TECPR2: variants seen among roughly 807,000 people sequenced by gnomAD.
The protein encoded by TECPR2 is tectonin beta-propeller repeat-containing protein 2.
TECPR2 carries 65 observed loss-of-function variants against 138.1 expected under a neutral mutation model. That is an observed-to-expected ratio of 0.47 (90% confidence interval 0.39 to 0.58). The LOEUF (loss-of-function observed/expected upper bound fraction) is 0.58, where lower values mean the gene tolerates loss of function less well. Ranked by LOEUF, TECPR2 falls within the 20% of genes least tolerant of loss-of-function variation. The probability of loss-of-function intolerance (pLI) is 0.00; values close to 1 mark genes in which losing one functional copy is unlikely to be tolerated. For missense variants in TECPR2, 1,553 were observed against 1,824.5 expected (o/e 0.85, Z 2.71); for synonymous variants, 746 against 749.8 (o/e 0.99, Z 0.08).
intron 12 of TECPR2, among the ~76,000 whole-genome samples, chr14:102,444,405 G>A (rs1306402394): frequency 6.6e-6 from 1 of 151,878 alleles, no homozygotes; most frequent in East Asian, 1.9e-4. Flanking sequence ...TCATCATGTT[G>A]CCCAGACTCA....
chr14:102,410,485 A>T (rs568920407), intron 4 of TECPR2, among the ~76,000 whole-genome samples: 8 of 68,742 alleles, frequency 1.2e-4, no homozygotes, highest in African/African-American at 3.3e-4. Context: ...AAAAAAATAA[A>T]AAATAAAAAA....
intron 17 of TECPR2, among the ~76,000 whole-genome samples, chr14:102,495,689 C>T (rs1266571407): frequency 6.6e-6 from 1 of 152,238 alleles, no homozygotes; most frequent in African/African-American, 2.4e-5. Flanking sequence ...CCGACAAGAG[C>T]GGCCACCGCC....
chr14:102,412,090 C>T (rs1888888417), intron 4 of TECPR2, among the ~76,000 whole-genome samples: 1 of 146,864 alleles, frequency 6.8e-6, no homozygotes, highest in Non-Finnish European at 1.5e-5. Context: ...AAATACTATT[C>T]ACAGAGTGAT....
At chr14:102,450,300 G>A (rs945521962) in intron 14 of TECPR2, among the ~76,000 whole-genome samples, 4 of 152,136 alleles carry the variant, frequency 2.6e-5, no homozygotes, top group South Asian at 2.1e-4. Context: ...GTTTGTTTCT[G>A]TGAGTGAACC....
intron 2 of TECPR2, among the ~76,000 whole-genome samples, chr14:102,383,922 C>CTT (rs751851686): frequency 7.2e-5 from 10 of 137,958 alleles, no homozygotes; most frequent in Admixed American, 1.5e-4. Context: ...AGTAGTTGTT[C>CTT]TTTTTTTTTT....
intron 2 of TECPR2, among the ~76,000 whole-genome samples, chr14:102,401,974 C>T (rs565130641): frequency 7.2e-5 from 11 of 152,080 alleles, no homozygotes; most frequent in African/African-American, 2.7e-4. Context: ...GACAGTTCTA[C>T]AATAAAAGTT....
intron 2 of TECPR2, among the ~76,000 whole-genome samples, chr14:102,401,938 G>T (rs994970430): frequency 8.6e-5 from 13 of 151,222 alleles, no homozygotes; most frequent in African/African-American, 3.2e-4. Flanking sequence ...CAGACAAAAA[G>T]AGTTACAGAA....
rs190922351 is a variant in TECPR2 at position 102,431,548 on chromosome 14, T to A, written c.1085-248T>A. 2.0e-5 allele frequency among the ~76,000 whole-genome samples: 3 copies of A among 152,218 alleles called. No homozygotes were observed. In the East Asian group the frequency reaches 5.8e-4, roughly 30 times the overall value. ...TAGTAGAGACGGGGTTTCACTGTGT[T>A]AGCCAGGATGGTCTTGATCTCCTGA... On this transcript the variant is annotated intron_variant, in intron 7 of 19. Transcript: ENST00000359520.
At position 102,438,304 on chromosome 14, in the gene TECPR2, A is replaced by G; in HGVS notation, c.2578+99A>G. 2.8e-6 allele frequency: 4 copies of G among 1,410,478 alleles called. No individual in the cohort carries two copies. In the South Asian group the frequency reaches 4.2e-5, roughly 15 times the overall value. 87.4% of individuals were successfully genotyped at this position (1,410,478 alleles called of 1,614,324 possible). A position where few individuals can be genotyped will look rare whatever the true frequency, so the allele number is the denominator to read the frequency against. Reference sequence around the variant, plus strand: ...ACATCTTAGTACAGGGCTCCCCTGCAGCAGCTCTGGGCTCACGCTGCCGTG... The same window carrying G: ...ACATCTTAGTACAGGGCTCCCCTGCGGCAGCTCTGGGCTCACGCTGCCGTG... On this transcript the variant is annotated intron_variant, in intron 10 of 19. Coordinates refer to ENST00000359520, the MANE Select transcript of TECPR2 (RefSeq NM_014844.5).
At position 102,363,072 on chromosome 14, in the gene TECPR2, T is replaced by G; in HGVS notation, c.-117T>G. 6.0e-6 allele frequency: 3 copies of G among 499,404 alleles called. No individual in the cohort carries two copies. Among genetic ancestry groups the G allele is most frequent in the Non-Finnish European group, 6.9e-6 (2 of 291,378 alleles). 30.9% of individuals were successfully genotyped at this position (499,404 alleles called of 1,614,324 possible). A position where few individuals can be genotyped will look rare whatever the true frequency, so the allele number is the denominator to read the frequency against. On this transcript the variant is annotated 5_prime_UTR_variant, in exon 1 of 20. Coordinates refer to ENST00000359520, the MANE Select transcript of TECPR2 (RefSeq NM_014844.5). Reference sequence around the variant, plus strand: ...GCGGCCCGGAGTCCATCCCGCCTCCTCCGGCCCGGCGGGGCCGACGAGTCC... The same window carrying G: ...GCGGCCCGGAGTCCATCCCGCCTCCGCCGGCCCGGCGGGGCCGACGAGTCC...
chr14:102,390,370 G>C (rs1304062100), intron 2 of TECPR2, among the ~76,000 whole-genome samples: 1 of 151,966 alleles, frequency 6.6e-6, no homozygotes, highest in Non-Finnish European at 1.5e-5. Flanking sequence ...GCTACAATGA[G>C]GGTAGCAATA....
chr14:102,490,205 C>A (rs1208401038), intron 17 of TECPR2, among the ~76,000 whole-genome samples: 1 of 152,186 alleles, frequency 6.6e-6, no homozygotes, highest in Non-Finnish European at 1.5e-5. Flanking sequence ...GTGCTGCTTC[C>A]CACTGGCACC....
chr14:102,489,262 C>T (rs1351514241), intron 17 of TECPR2, among the ~76,000 whole-genome samples: 1 of 152,162 alleles, frequency 6.6e-6, no homozygotes, highest in African/African-American at 2.4e-5. Flanking sequence ...TCCTCTCTCC[C>T]AGCCTGTAGC....
At position 102,493,983 on chromosome 14, in the gene TECPR2, C is replaced by T. The variant is rs566614478; in HGVS notation, c.3790-2996C>T. 4.1e-4 allele frequency among the ~76,000 whole-genome samples: 62 copies of T among 152,340 alleles called. 1 individual carries two copies. The South Asian group carries it at 0.012, about 29-fold the overall frequency. On this transcript the variant is annotated intron_variant, in intron 17 of 19. Transcript: ENST00000359520. ...GTCCTCCGGGCATCAACCCTAATGC[C>T]ACCTCCTCACCTGACCACCCACTGC...
intron 5 of TECPR2, among the ~76,000 whole-genome samples, chr14:102,417,869 C>T (rs544879183): frequency 3.1e-4 from 45 of 147,264 alleles, no homozygotes; most frequent in Admixed American, 2.8e-3. Context: ...CCAGGGGAGC[C>T]GTGGGGAGGC....
rs533607979 is a variant in TECPR2 at position 102,380,439 on chromosome 14, A to T, written c.219+3499A>T. Among the ~76,000 whole-genome samples the T allele has an allele frequency of 2.6e-5, 4 of 152,360 alleles. No individual in the cohort carries two copies. The East Asian group carries it at 7.7e-4, about 29-fold the overall frequency. On this transcript the variant is annotated intron_variant, in intron 2 of 19. Coordinates refer to ENST00000359520, the MANE Select transcript of TECPR2 (RefSeq NM_014844.5). ...AGGTTTTATTGACTCACAGTTACGC[A>T]TGGCTGCGGAGGCCTCAGGAAACTT...
chr14:102,434,103 G>C (rs1018553495), intron 8 of TECPR2, 132 bp from the exon 9 acceptor site: 1 of 768,054 alleles, frequency 1.3e-6, no homozygotes, highest in Admixed American at 4.1e-5. Context: ...GTACTTAAGA[G>C]GTTTATTCTT....
At chr14:102,429,978 AT>A (rs1286659041) in intron 7 of TECPR2, among the ~76,000 whole-genome samples, 1 of 151,912 alleles carries the variant, frequency 6.6e-6, no homozygotes. Flanking sequence ...ATTTTATTTT[AT>A]TTTTTGAGAC....
At chr14:102,375,910 G>A (rs979033945) in intron 1 of TECPR2, among the ~76,000 whole-genome samples, 6 of 152,158 alleles carry the variant, frequency 3.9e-5, no homozygotes, top group Non-Finnish European at 8.8e-5. Flanking sequence ...TATAAGGTAG[G>A]GTCAGGATTA....
Sources: gnomAD v4.1 joint callset for allele counts (sites outside exome capture counted in the v4.1 genomes callset) on GRCh38, gnomAD v4.1.1 for gene constraint, MANE v1.5 for transcripts, NCBI Gene and HGNC (gene_info 2026-07-23, HGNC 2026-07-21) for gene names.